Variants in IMPDH1 observed in about 807,000 individuals in gnomAD.
The protein encoded by IMPDH1 is inosine monophosphate dehydrogenase 1.
Under a neutral mutation model 73.5 loss-of-function variants are expected in IMPDH1, and 41 were observed. The observed-to-expected ratio is 0.56, with a 90% CI of 0.43 to 0.72. The LOEUF (loss-of-function observed/expected upper bound fraction) is 0.72, where lower values mean the gene tolerates loss of function less well. Among genes scored for constraint, IMPDH1 ranks in the 30% least tolerant of loss-of-function variants. The pLI is 0.00. For synonymous variants in IMPDH1, 318 were observed against 334.3 expected (o/e 0.95, Z 0.53); for missense variants, 645 against 824.8 (o/e 0.78, Z 2.67).
intron 5 of IMPDH1, among the ~76,000 whole-genome samples, 171 bp downstream of exon 5, chr7:128,403,535 G>A (rs1259978241): frequency 6.8e-6 from 1 of 147,704 alleles, no homozygotes; most frequent in Non-Finnish European, 1.5e-5. Context: ...TCCAGCCTGT[G>A]TGACAGAGCA....
chr7:128,392,608 A>C lies in IMPDH1; in HGVS notation c.*399T>G. On this transcript the variant is annotated 3_prime_UTR_variant, in exon 17 of 17. Transcript: ENST00000338791. Reference sequence around the variant, plus strand: ...GAGGGGCAGCGGCCCGGGAAGGGCCAGAGGCAGGGCCAGGAGAGCACCATT... The same window carrying C: ...GAGGGGCAGCGGCCCGGGAAGGGCCCGAGGCAGGGCCAGGAGAGCACCATT... 1 of 221,024 alleles carries C rather than the reference A, an allele frequency of 4.5e-6. No homozygotes were observed. Among genetic ancestry groups the C allele is most frequent in the Non-Finnish European group, 9.1e-6 (1 of 109,676 alleles). 13.7% of individuals were successfully genotyped at this position (221,024 alleles called of 1,614,324 possible).
At chr7:128,400,748 G>A (rs1798273662) in intron 7 of IMPDH1, 69 bp downstream of exon 7, 1 of 1,373,984 alleles carries the variant, frequency 7.3e-7, no homozygotes, top group Non-Finnish European at 1.0e-6. Context: ...GCTGGCAGGG[G>A]AGGCTGGGAG....
chr7:128,392,776 G>A lies in IMPDH1; in HGVS notation c.*231C>T, dbSNP rs1042267. 80 of 552,810 alleles carry A rather than the reference G, an allele frequency of 1.4e-4. 1 individual carries two copies. In the East Asian group the frequency reaches 2.4e-3, roughly 17 times the overall value. 34.2% of individuals were successfully genotyped at this position (552,810 alleles called of 1,614,324 possible). On this transcript the variant is annotated 3_prime_UTR_variant, in exon 17 of 17. Coordinates refer to ENST00000338791, the MANE Select transcript of IMPDH1 (RefSeq NM_000883.4). ...AGGGCCTGAGAGCCTGGCTGGCTGG[G>A]CTCGGAGGGGGGCTCCCAGGGCAGC...
In IMPDH1 at chr7:128,398,298, G is replaced by A. The variant is rs1019413485; in HGVS notation, c.1074+116C>T. On this transcript the variant is annotated intron_variant, in intron 10 of 16. Transcript: ENST00000338791. This position sits in a 1 kb window ranked among gnomAD's most constrained non-coding sequence, Gnocchi z 4.3. ...ACCAGGGAGCACTCAGAAAGAGAGA[G>A]GAAGAGTAGCAAGGGAGGGGCACAG... The A allele has an allele frequency of 4.3e-5, 34 of 788,976 alleles. No homozygotes were observed. The highest frequency in any genetic ancestry group is 5.5e-5 in the Non-Finnish European group (26 of 471,342). 48.9% of individuals were successfully genotyped at this position (788,976 alleles called of 1,614,324 possible).
intron 12 of IMPDH1, 83 bp from the exon 13 acceptor site, chr7:128,395,357 C>T: frequency 6.7e-7 from 1 of 1,495,526 alleles, no homozygotes; most frequent in Non-Finnish European, 9.2e-7. Context: ...AGCTCTTCCT[C>T]CTGTGCACTA....
chr7:128,396,580 G>T lies in IMPDH1; in HGVS notation c.1261+20C>A. The T allele has an allele frequency of 6.5e-7, 1 of 1,534,768 alleles. No homozygotes were observed. Among genetic ancestry groups the T allele is most frequent in the Non-Finnish European group, 8.8e-7 (1 of 1,132,818 alleles). ...GAGGCCCCGGGGCCAGCGGGCACTCGCTCACCTCCTGACACCCACCTTCCT... is the reference window on the plus strand; with the variant it reads ...GAGGCCCCGGGGCCAGCGGGCACTCTCTCACCTCCTGACACCCACCTTCCT... On this transcript the variant is annotated intron_variant, in intron 12 of 16. Coordinates refer to ENST00000338791, the MANE Select transcript of IMPDH1 (RefSeq NM_000883.4). The surrounding 1 kb of genome is among the most constrained non-coding windows in gnomAD (Gnocchi z 4.0).
intron 10 of IMPDH1, among the ~76,000 whole-genome samples, chr7:128,397,408 G>A (rs1332824820): frequency 6.6e-6 from 1 of 152,206 alleles, no homozygotes; most frequent in African/African-American, 2.4e-5. Context: ...AATGGCGACT[G>A]TTCCTCAATG....
At position 128,409,940 on chromosome 7, in the gene IMPDH1, C is replaced by G. The variant is rs1584762544; in HGVS notation, c.-39G>C. 5 of 1,326,266 alleles carry G rather than the reference C, an allele frequency of 3.8e-6. No individual in the cohort carries two copies. The East Asian group carries it at 1.6e-4, about 42-fold the overall frequency. The allele number at this position is 1,326,266 out of a possible 1,614,324, so 82.2% of individuals were successfully genotyped here. ...CTCAGGGCGGGCGGGAGCCTGGAGG[C>G]TCCCGGGGCCCCGGCTGGGCAGTGA... On this transcript the variant is annotated 5_prime_UTR_variant, in exon 1 of 17. Coordinates refer to ENST00000338791, the MANE Select transcript of IMPDH1 (RefSeq NM_000883.4).
At chr7:128,406,350 C>A (rs1204168234) in intron 3 of IMPDH1, among the ~76,000 whole-genome samples, 1 of 141,870 alleles carries the variant, frequency 7.0e-6, no homozygotes, top group Non-Finnish European at 1.5e-5. Flanking sequence ...CGGGGCCACC[C>A]ACCTTGCCCT....
chr7:128,405,647 GC>G, intron 4 of IMPDH1, 119 bp downstream of exon 4: 1 of 1,355,264 alleles, frequency 7.4e-7, no homozygotes, highest in African/African-American at 1.5e-5. Context: ...AGCCCCCAGC[GC>G]CCACAGCAGG....
rs1179532083 is a variant in IMPDH1, at chr7:128,396,124, G to T, written c.1261+476C>A. 6.6e-6 allele frequency among the ~76,000 whole-genome samples: 1 copy of T among 152,124 alleles called. No individual in the cohort carries two copies. The highest frequency in any genetic ancestry group is 1.9e-4 in the East Asian group (1 of 5,194). ...GCACCTCCTCAATAACCACATGGGG[G>T]ACACATGCCAGGCTCCCCCCTTCCC... On this transcript the variant is annotated intron_variant, in intron 12 of 16. Transcript: ENST00000338791. This position sits in a 1 kb window ranked among gnomAD's most constrained non-coding sequence, Gnocchi z 4.0.
chr7:128,402,362 CA>C (rs1292507908), intron 5 of IMPDH1, among the ~76,000 whole-genome samples: 2 of 152,212 alleles, frequency 1.3e-5, no homozygotes, highest in African/African-American at 2.4e-5. Flanking sequence ...CTCAGCCTCC[CA>C]AAATGCTGGG....
intron 3 of IMPDH1, among the ~76,000 whole-genome samples, chr7:128,408,884 C>T (rs1798951771): frequency 6.6e-6 from 1 of 152,138 alleles, no homozygotes; most frequent in South Asian, 2.1e-4. Context: ...GCCCCACTGC[C>T]GAGGAGCCCC....
At chr7:128,403,183 C>T (rs997724989) in intron 5 of IMPDH1, among the ~76,000 whole-genome samples, 4 of 152,236 alleles carry the variant, frequency 2.6e-5, no homozygotes, top group Non-Finnish European at 5.9e-5. Flanking sequence ...ACTCAGGACA[C>T]TCCTGTGTTC....
At chr7:128,406,319 A>G (rs1036855897) in intron 3 of IMPDH1, among the ~76,000 whole-genome samples, 1 of 15,668 alleles carries the variant, frequency 6.4e-5, no homozygotes, top group Non-Finnish European at 1.5e-4. Flanking sequence ...CACCCCCCCC[A>G]CCCCCGAGTT....
At chr7:128,409,150 C>A in intron 3 of IMPDH1, 139 bp downstream of exon 3, 1 of 784,800 alleles carries the variant, frequency 1.3e-6, no homozygotes, top group Non-Finnish European at 2.2e-6. Flanking sequence ...CAGCTCACTA[C>A]CCTACTCTTC....
At position 128,395,368 on chromosome 7, in the gene IMPDH1, C is replaced by T. The variant is rs918185368; in HGVS notation, c.1262-94G>A. The T allele has an allele frequency of 1.3e-5, 18 of 1,433,366 alleles. No individual in the cohort carries two copies. The African/African-American group carries it at 1.5e-4, about 12-fold the overall frequency. The allele number at this position is 1,433,366 out of a possible 1,614,324, so 88.8% of individuals were successfully genotyped here. A position where few individuals can be genotyped will look rare whatever the true frequency, so the allele number is the denominator to read the frequency against. ...GCCCAGCTCTTCCTCCTGTGCACTA[C>T]CTCTACTCAGGAAAAGGGACAGGGC... On this transcript the variant is annotated intron_variant, in intron 12 of 16. Transcript: ENST00000338791.
chr7:128,400,774 G>T, intron 7 of IMPDH1, 43 bp downstream of exon 7: 1 of 1,548,710 alleles, frequency 6.5e-7, no homozygotes, highest in African/African-American at 1.4e-5. Context: ...CTGAGGTGGG[G>T]ACTGCCAGGT....
Position 128,400,850 on chromosome 7 carries a change from T to C in IMPDH1, c.546A>G (p.Pro182=), listed in dbSNP as rs1206890127. 6.2e-7 allele frequency: 1 copy of C among 1,614,094 alleles called. No individual in the cohort carries two copies. Among genetic ancestry groups the C allele is most frequent in the African/African-American group, 1.3e-5 (1 of 74,940 alleles). Reference sequence around the variant, plus strand: ...TCCGCACCTCGTTGGCCTGGAACTCTGGGGTGCAGTTGTGGTGAATGAAAC... The same window carrying C: ...TCCGCACCTCGTTGGCCTGGAACTCCGGGGTGCAGTTGTGGTGAATGAAAC... The part of the protein sequence containing the change: ...GIGFIHHNCT[P]EFQANEVRKV... The change falls in exon 7 of 17, where the codon CCA becomes CCG. Residue 182 remains proline, a synonymous_variant. Coordinates refer to ENST00000338791, the MANE Select transcript of IMPDH1 (RefSeq NM_000883.4).
Sources: gnomAD v4.1 joint callset for allele counts (sites outside exome capture counted in the v4.1 genomes callset) on GRCh38, gnomAD v4.1.1 for gene constraint, Gnocchi (gnomAD v3.1) non-coding constraint, MANE v1.5 for transcripts, NCBI Gene and HGNC (gene_info 2026-07-23, HGNC 2026-07-21) for gene names.